LIN9: variants seen among roughly 807,000 people sequenced by gnomAD.
LIN9 encodes the protein lin-9 DREAM MuvB core complex component.
Under a neutral mutation model 78.0 loss-of-function variants are expected in LIN9, and 18 were observed. The ratio of observed to expected loss-of-function variants is 0.23; its 90% CI spans 0.16 to 0.34. LIN9 has a LOEUF of 0.34. Among genes scored for constraint, LIN9 ranks in the 10% least tolerant of loss-of-function variants. The pLI is 1.00. For missense variants in LIN9, 451 were observed against 644.1 expected, an observed-to-expected ratio of 0.70 and a Z score of 3.25; for synonymous variants, 192 against 215.2, an observed-to-expected ratio of 0.89 and a Z score of 0.94.
intron 1 of LIN9, 46 bp downstream of exon 1, chr1:226,309,063 A>T: frequency 2.3e-6 from 3 of 1,306,214 alleles, no homozygotes; most frequent in Non-Finnish European, 2.9e-6. Flanking sequence ...ACCGCTGGGC[A>T]AGCAGCAGGC....
intron 11 of LIN9, among the ~76,000 whole-genome samples, chr1:226,247,019 T>G: frequency 6.6e-6 from 1 of 152,136 alleles, no homozygotes; most frequent in Non-Finnish European, 1.5e-5. Context: ...TTATCGTCTC[T>G]TCTCTTCTAA....
intron 1 of LIN9, among the ~76,000 whole-genome samples, chr1:226,305,315 G>GA (rs111859953): frequency 0.03 from 2,338 of 77,656 alleles, 37 homozygotes; most frequent in Non-Finnish European, 0.041. Flanking sequence ...ACAAAAAAAA[G>GA]AAAAAAAAAA....
chr1:226,270,702 G>A lies in LIN9; in HGVS notation c.683-2612C>T, dbSNP rs139361672. Among the ~76,000 whole-genome samples the A allele has an allele frequency of 3.0e-4, 46 of 151,814 alleles. 1 individual carries two copies. In the East Asian group the frequency reaches 8.7e-3, roughly 29 times the overall value. ...TAGCCAGGCATGGTGGCATGTGCCT[G>A]TAGTCCCTGGAGGCTGAGGTGGGAG... On this transcript the variant is annotated intron_variant, in intron 7 of 14. Coordinates refer to ENST00000681046, the MANE Select transcript of LIN9 (RefSeq NM_001366245.2).
intron 4 of LIN9, among the ~76,000 whole-genome samples, chr1:226,295,455 T>C (rs1038970633): frequency 6.6e-6 from 1 of 151,458 alleles, no homozygotes; most frequent in South Asian, 2.1e-4. Flanking sequence ...TCTCAAAATA[T>C]ATATATATAA....
intron 10 of LIN9, among the ~76,000 whole-genome samples, chr1:226,263,814 G>A (rs114938600): frequency 1.3e-5 from 2 of 152,154 alleles, no homozygotes; most frequent in Non-Finnish European, 2.9e-5. Context: ...ACTCAAGCCT[G>A]TAATCTTAGC....
At chr1:226,294,314 C>T (rs1255671354) in intron 4 of LIN9, among the ~76,000 whole-genome samples, 2 of 150,334 alleles carry the variant, frequency 1.3e-5, no homozygotes, top group Non-Finnish European at 2.9e-5. Context: ...GGCGCAGTGG[C>T]TCACGCCTGT....
At chr1:226,242,682 A>G (rs1433138462) in intron 11 of LIN9, among the ~76,000 whole-genome samples, 2 of 152,080 alleles carry the variant, frequency 1.3e-5, no homozygotes, top group African/African-American at 4.8e-5. Flanking sequence ...ACCAGATCGT[A>G]TAGATGCAGA....
At chr1:226,239,395 G>A (rs767527478) in intron 11 of LIN9, among the ~76,000 whole-genome samples, 3 of 152,122 alleles carry the variant, frequency 2.0e-5, no homozygotes, top group Non-Finnish European at 4.4e-5. Context: ...CGTTATATTC[G>A]TCTTTCAACT....
At chr1:226,255,925 A>ACTTTT (rs1659163101) in intron 10 of LIN9, among the ~76,000 whole-genome samples, 1 of 152,112 alleles carries the variant, frequency 6.6e-6, no homozygotes, top group South Asian at 2.1e-4. Flanking sequence ...AGAGAGAAAA[A>ACTTTT]AAGGAAGAAC....
chr1:226,305,695 G>A (rs775403485), intron 1 of LIN9, among the ~76,000 whole-genome samples: 2 of 152,052 alleles, frequency 1.3e-5, no homozygotes, highest in Admixed American at 6.6e-5. Flanking sequence ...GGCGAGTATC[G>A]GGAATGAAAA....
At chr1:226,289,834 C>CGGGGGGG (rs967358215) in intron 4 of LIN9, among the ~76,000 whole-genome samples, 1 of 12,082 alleles carries the variant, frequency 8.3e-5, no homozygotes, top group Non-Finnish European at 1.5e-4. Flanking sequence ...AGTAGTCCTC[C>CGGGGGGG]GGGGGGGGGG....
In LIN9 at chr1:226,233,147, A is replaced by G; in HGVS notation, c.1472T>C (p.Leu491Pro). ...CTTGATATCATTTAATGAGTCTGTAAGTGATTTGAATTCAAAGGAATTCAG... is the reference window on the plus strand; with the variant it reads ...CTTGATATCATTTAATGAGTCTGTAGGTGATTTGAATTCAAAGGAATTCAG... ...GDLNSFEFKS[L>P]TDSLNDIKST... is the part of the protein sequence containing the mutation. Residue 491 changes from leucine (L) to proline (P), a missense_variant, in exon 14 of 15, where the codon CTT becomes CCT. Transcript: ENST00000681046. 1 of 1,608,258 alleles carries G rather than the reference A, an allele frequency of 6.2e-7. No individual in the cohort carries two copies. The highest frequency in any genetic ancestry group is 8.5e-7 in the Non-Finnish European group (1 of 1,178,388).
At chr1:226,275,691 CAGAAAAA>C (rs1176909550) in intron 7 of LIN9, among the ~76,000 whole-genome samples, 3 of 43,446 alleles carry the variant, frequency 6.9e-5, no homozygotes, top group African/African-American at 2.9e-4. Context: ...GACTCCGTCT[CAGAAAAA>C]AAAAAAAAAA....
chr1:226,249,539 G>T (rs1009076213), intron 11 of LIN9, among the ~76,000 whole-genome samples: 144 of 152,208 alleles, frequency 9.5e-4, no homozygotes, highest in African/African-American at 1.4e-4. Context: ...CCTAAAAGAG[G>T]ATTGTTCTTT....
chr1:226,290,806 C>T (rs1303084965), intron 4 of LIN9, among the ~76,000 whole-genome samples: 1 of 151,644 alleles, frequency 6.6e-6, no homozygotes, highest in East Asian at 2.0e-4. Context: ...ACCTAGGCTG[C>T]AGCATACTGA....
intron 11 of LIN9, among the ~76,000 whole-genome samples, chr1:226,241,567 G>C (rs1043660049): frequency 6.6e-6 from 1 of 152,122 alleles, no homozygotes; most frequent in Non-Finnish European, 1.5e-5. Flanking sequence ...TTACAAAATG[G>C]GGTGATATAG....
At chr1:226,280,567 GGAGAT>G (rs1323696454) in intron 6 of LIN9, among the ~76,000 whole-genome samples, 1 of 152,162 alleles carries the variant, frequency 6.6e-6, no homozygotes, top group Non-Finnish European at 1.5e-5. Context: ...CATGAGGTCA[GGAGAT>G]CGAGACCATC....
At chr1:226,284,000 C>G (rs757152638) in intron 6 of LIN9, among the ~76,000 whole-genome samples, 13 of 151,986 alleles carry the variant, frequency 8.6e-5, no homozygotes, top group Admixed American at 2.0e-4. Flanking sequence ...AAGTAAAACT[C>G]TCTTATGTTT....
In LIN9 at chr1:226,266,229, AGAG is replaced by A. The variant is rs779414570; in HGVS notation, c.917_919del (p.Pro306del). 4.4e-6 allele frequency: 7 copies of A among 1,580,570 alleles called. No individual in the cohort carries two copies. In the South Asian group the frequency reaches 4.7e-5, roughly 11 times the overall value. ...TATACTTACTATAATTGGTGACTGG[AGAG>A]GAGGAGTATAATGTAACCGTGGTGG... On this transcript the variant is annotated inframe_deletion, in exon 9 of 15. Coordinates refer to ENST00000681046, the MANE Select transcript of LIN9 (RefSeq NM_001366245.2).
Sources: gnomAD v4.1 joint callset for allele counts (sites outside exome capture counted in the v4.1 genomes callset) on GRCh38, gnomAD v4.1.1 for gene constraint, MANE v1.5 for transcripts, NCBI Gene and HGNC (gene_info 2026-07-23, HGNC 2026-07-21) for gene names.